Variants in HSP90B1 observed in about 807,000 individuals in gnomAD.
The protein encoded by HSP90B1 is heat shock protein 90 beta family member 1.
In HSP90B1, 27 loss-of-function variants were observed where a neutral mutation model predicts 100.4. The ratio of observed to expected loss-of-function variants is 0.27; its 90% confidence interval spans 0.20 to 0.37. The LOEUF is 0.37. Among genes scored for constraint, HSP90B1 ranks in the 10% least tolerant of loss-of-function variants. The probability of loss-of-function intolerance (pLI) is 1.00; values close to 1 mark genes in which losing one functional copy is unlikely to be tolerated. For missense variants in HSP90B1, 678 were observed against 960.5 expected (o/e 0.71, Z 3.89); for synonymous variants, 304 against 330.8 (o/e 0.92, Z 0.88).
intron 11 of HSP90B1, among the ~76,000 whole-genome samples, chr12:103,942,118 C>A (rs979061938): frequency 6.6e-6 from 1 of 152,150 alleles, no homozygotes; most frequent in African/African-American, 2.4e-5. Context: ...AAGAATTGTA[C>A]AGGTCCAGGA....
chr12:103,931,184 C>T (rs770673968), intron 1 of HSP90B1, among the ~76,000 whole-genome samples: 2 of 152,190 alleles, frequency 1.3e-5, no homozygotes, highest in Non-Finnish European at 2.9e-5. Flanking sequence ...TTGGCTTGAT[C>T]AGTTGGGAGG....
At position 103,934,000 on chromosome 12, in the gene HSP90B1, A is replaced by G; in HGVS notation, c.456A>G (p.Val152=). The change falls in exon 5 of 18, where the codon GTA becomes GTG. Residue 152 remains valine (V), a synonymous_variant. Coordinates refer to ENST00000299767, the MANE Select transcript of HSP90B1 (RefSeq NM_003299.3). ...KNLLHVTDTG[V]GMTREELVKN... The stretch of plus-strand genomic sequence containing the variant: ...TGCTGCATGTCACAGACACCGGTGT[A>G]GGAATGACCAGAGAAGAGTTGGTTA... 1.2e-6 allele frequency: 2 copies of G among 1,614,250 alleles called. No homozygotes were observed. Among genetic ancestry groups the G allele is most frequent in the Non-Finnish European group, 1.7e-6 (2 of 1,180,038 alleles).
Position 103,943,593 on chromosome 12 carries a change from C to A in HSP90B1, c.1891-145C>A. ...TATCAAGTAAGTGCCCCTACAAATT[C>A]TCCTAAACCTTAAGAAAAGCTATTT... On this transcript the variant is annotated intron_variant, in intron 13 of 17. Transcript: ENST00000299767. This position sits in a 1 kb window ranked among gnomAD's most constrained non-coding sequence, Gnocchi z 5.3. The A allele has an allele frequency of 1.2e-6, 1 of 846,146 alleles. No homozygotes were observed. Among genetic ancestry groups the A allele is most frequent in the Non-Finnish European group, 1.8e-6 (1 of 566,692 alleles). 52.4% of individuals were successfully genotyped at this position (846,146 alleles called of 1,614,324 possible).
At chr12:103,934,680 G>A (rs1253846352) in intron 5 of HSP90B1, among the ~76,000 whole-genome samples, 1 of 152,160 alleles carries the variant, frequency 6.6e-6, no homozygotes, top group Non-Finnish European at 1.5e-5. Flanking sequence ...TGGCAGTTAT[G>A]GATAGAATGT....
intron 1 of HSP90B1, 108 bp from the exon 2 acceptor site, chr12:103,931,413 C>T: frequency 1.4e-6 from 1 of 704,780 alleles, no homozygotes. Flanking sequence ...CTTTCATCCC[C>T]ACCTCCCTTA....
chr12:103,947,180 A>G, intron 16 of HSP90B1, 131 bp from the exon 17 acceptor site: 1 of 1,289,372 alleles, frequency 7.8e-7, no homozygotes, highest in Non-Finnish European at 1.1e-6. Flanking sequence ...TTGGCTGTTC[A>G]TTCTAGTTAA....
chr12:103,935,306 G>T (rs375518985), intron 5 of HSP90B1, among the ~76,000 whole-genome samples: 10 of 152,256 alleles, frequency 6.6e-5, no homozygotes, highest in Non-Finnish European at 1.2e-4. Context: ...AGTAGCTCTC[G>T]TTGCTTATAG....
chr12:103,943,467 C>A lies in HSP90B1; in HGVS notation c.1890+148C>A. ...ATGTAATTAAATTATTGGGAGAAAG[C>A]TTAAAACTTTCGACAATACTGCTTT... On this transcript the variant is annotated intron_variant, in intron 13 of 17. Transcript: ENST00000299767. This position sits in a 1 kb window ranked among gnomAD's most constrained non-coding sequence, Gnocchi z 5.3. 1.3e-6 allele frequency: 1 copy of A among 796,342 alleles called. No individual in the cohort carries two copies. Among genetic ancestry groups the A allele is most frequent in the Non-Finnish European group, 2.0e-6 (1 of 509,004 alleles). 49.3% of individuals were successfully genotyped at this position (796,342 alleles called of 1,614,324 possible). A position where few individuals can be genotyped will look rare whatever the true frequency, so the allele number is the denominator to read the frequency against.
At position 103,947,752 on chromosome 12, in the gene HSP90B1, C is replaced by T. The variant is rs1351444339; in HGVS notation, c.*90C>T. ...GGGAGAGACTTGTTTTGGATGCCCC[C>T]TAATCCCCTTCTCCCCTGCACTGTA... On this transcript the variant is annotated 3_prime_UTR_variant, in exon 18 of 18. Transcript: ENST00000299767. 2 of 1,089,166 alleles carry T rather than the reference C, an allele frequency of 1.8e-6. No homozygotes were observed. The highest frequency in any genetic ancestry group is 2.8e-6 in the Non-Finnish European group (2 of 702,812). The allele number at this position is 1,089,166 out of a possible 1,614,324, so 67.5% of individuals were successfully genotyped here.
At position 103,946,612 on chromosome 12, in the gene HSP90B1, T is replaced by C. The variant is rs751666026; in HGVS notation, c.2028-6T>C. On this transcript the variant is annotated splice_region_variant and splice_polypyrimidine_tract_variant and intron_variant, in intron 14 of 17. Coordinates refer to ENST00000299767, the MANE Select transcript of HSP90B1 (RefSeq NM_003299.3). ...TTTGTTAATGTTCATTTTTATCTCT[T>C]AACAGTTACTATGCGAGTCAGAAGA... is the stretch of plus-strand genomic sequence containing the variant. 2.2e-5 allele frequency: 36 copies of C among 1,605,578 alleles called. No individual in the cohort carries two copies. Among genetic ancestry groups the C allele is most frequent in the Non-Finnish European group, 3.1e-5 (36 of 1,172,560 alleles).
At chr12:103,947,485 G>C in intron 17 of HSP90B1, 55 bp downstream of exon 17, 1 of 1,613,544 alleles carries the variant, frequency 6.2e-7, no homozygotes, top group South Asian at 1.1e-5. Context: ...AGTTAGGACA[G>C]AGTTTTAGTT....
At chr12:103,933,014 A>T (rs1869811203) in intron 4 of HSP90B1, 72 bp downstream of exon 4, 3 of 802,674 alleles carry the variant, frequency 3.7e-6, no homozygotes, top group Non-Finnish European at 6.4e-6. Context: ...CCTATCAGTC[A>T]AGATAGGCTA....
chr12:103,943,200 G>C lies in HSP90B1; in HGVS notation c.1771G>C (p.Val591Leu), dbSNP rs1319483638. The C allele has an allele frequency of 6.2e-7, 1 of 1,614,072 alleles. No homozygotes were observed. Among genetic ancestry groups the C allele is most frequent in the African/African-American group, 1.3e-5 (1 of 74,928 alleles). The change falls in exon 13 of 18, where the codon GTT becomes CTT. Residue 591 changes from valine (V) to leucine (L), a missense_variant. Transcript: ENST00000299767. The surrounding 1 kb of genome is among the most constrained non-coding windows in gnomAD (Gnocchi z 5.3). ...ATTTGATGGGAAGAGGTTCCAGAAT[G>C]TTGCCAAGGAAGGAGTGAAGTTCGA... is the stretch of plus-strand genomic sequence containing the variant. Reference protein sequence around the residue: ...PEFDGKRFQNVAKEGVKFDES... With the variant: ...PEFDGKRFQNLAKEGVKFDES...
At chr12:103,944,854 AG>A (rs1870184109) in intron 14 of HSP90B1, among the ~76,000 whole-genome samples, 1 of 152,166 alleles carries the variant, frequency 6.6e-6, no homozygotes, top group African/African-American at 2.4e-5. Context: ...GCGCCTGGCC[AG>A]GATTATTATT....
intron 12 of HSP90B1, 127 bp from the exon 13 acceptor site, chr12:103,942,947 C>A: frequency 7.0e-7 from 1 of 1,432,320 alleles, no homozygotes. Flanking sequence ...CATTTATATT[C>A]TCTGAACCTC....
intron 2 of HSP90B1, chr12:103,932,057 T>C (rs1869779559): frequency 2.1e-6 from 1 of 485,252 alleles, no homozygotes; most frequent in African/African-American, 1.9e-5. Flanking sequence ...GGATTTTTTT[T>C]TTTCTGGCAA....
intron 14 of HSP90B1, among the ~76,000 whole-genome samples, chr12:103,945,566 G>C (rs942391355): frequency 1.3e-5 from 2 of 152,148 alleles, no homozygotes; most frequent in Non-Finnish European, 2.9e-5. Flanking sequence ...ATTATTATTG[G>C]AGCACAATCC....
intron 14 of HSP90B1, among the ~76,000 whole-genome samples, chr12:103,944,150 A>G (rs940065221): frequency 3.9e-5 from 6 of 152,328 alleles, no homozygotes; most frequent in Admixed American, 2.0e-4. Flanking sequence ...GCATTGGATT[A>G]TATGCTTAGC....
chr12:103,946,553 A>T, intron 14 of HSP90B1, 65 bp from the exon 15 acceptor site: 1 of 1,161,556 alleles, frequency 8.6e-7, no homozygotes, highest in Non-Finnish European at 1.3e-6. Context: ...ATGAAAGAAT[A>T]AGGGAAACGT....
Sources: gnomAD v4.1 joint callset for allele counts (sites outside exome capture counted in the v4.1 genomes callset) on GRCh38, gnomAD v4.1.1 for gene constraint, Gnocchi (gnomAD v3.1) non-coding constraint, MANE v1.5 for transcripts, NCBI Gene and HGNC (gene_info 2026-07-23, HGNC 2026-07-21) for gene names.